The following GALNT9 variants were observed in gnomAD, a reference collection of about 807,000 sequenced individuals.
The protein encoded by GALNT9 is GalNAc transferase 9.
GALNT9 carries 47 observed loss-of-function variants against 63.1 expected under a neutral mutation model. That is an observed-to-expected ratio of 0.75 (90% CI 0.59 to 0.95). The LOEUF is 0.95. Ranked by LOEUF, GALNT9 falls within the 40% of genes least tolerant of loss-of-function variation. The pLI is 0.00. For missense variants in GALNT9, 829 were observed against 874.8 expected (o/e 0.95, Z 0.66); for synonymous variants, 396 against 365.7 (o/e 1.08, Z -0.94).
intron 1 of GALNT9, among the ~76,000 whole-genome samples, chr12:132,295,242 A>G (rs1260807482): frequency 6.6e-6 from 1 of 152,234 alleles, no homozygotes; most frequent in Non-Finnish European, 1.5e-5. Context: ...GGCTTCCCCG[A>G]CAGCCCCATG....
rs1348892031 is a variant in GALNT9 at position 132,245,873 on chromosome 12, G to A, written c.1077+2037C>T. On this transcript the variant is annotated intron_variant, in intron 6 of 10. Coordinates refer to ENST00000328957, the MANE Select transcript of GALNT9 (RefSeq NM_001122636.2). This position sits in a 1 kb window ranked among gnomAD's most constrained non-coding sequence, Gnocchi z 6.3. The stretch of plus-strand genomic sequence containing the variant: ...GGCGACTTGTCTTTCACTGACGGTG[G>A]CTCTGTCCCCAGGACCACATCTGCT... Among the ~76,000 whole-genome samples, 1 of 152,184 alleles carries A rather than the reference G, an allele frequency of 6.6e-6. No individual in the cohort carries two copies. The highest frequency in any genetic ancestry group is 1.5e-5 in the Non-Finnish European group (1 of 68,030).
intron 1 of GALNT9, among the ~76,000 whole-genome samples, chr12:132,301,394 T>G (rs1881290772): frequency 6.6e-6 from 1 of 152,230 alleles, no homozygotes; most frequent in African/African-American, 2.4e-5. Flanking sequence ...GAAGTGCTGC[T>G]GTGGTGGGCA....
At chr12:132,224,975 CATACACCCCAT>C (rs1877593065) in intron 6 of GALNT9, among the ~76,000 whole-genome samples, 1 of 148,378 alleles carries the variant, frequency 6.7e-6, no homozygotes, top group Non-Finnish European at 1.5e-5. Flanking sequence ...ACCCCACACA[CATACACCCCAT>C]ATACACACCC....
intron 6 of GALNT9, among the ~76,000 whole-genome samples, chr12:132,215,250 G>T (rs1206240817): frequency 6.6e-6 from 1 of 152,262 alleles, no homozygotes; most frequent in Non-Finnish European, 1.5e-5. Flanking sequence ...CACAGCCCAG[G>T]CTCTCAGGGA....
chr12:132,197,049 C>G lies in GALNT9; in HGVS notation c.*58G>C. The G allele has an allele frequency of 6.3e-7, 1 of 1,596,634 alleles. No homozygotes were observed. The highest frequency in any genetic ancestry group is 8.6e-7 in the Non-Finnish European group (1 of 1,169,176). On this transcript the variant is annotated 3_prime_UTR_variant, in exon 11 of 11. Coordinates refer to ENST00000328957, the MANE Select transcript of GALNT9 (RefSeq NM_001122636.2). ...GCCGGGCACACCCCGGTCACTCAGC[C>G]ACACTGGCTCGGCCCAGCGCCTTCC... is the stretch of plus-strand genomic sequence containing the variant.
At chr12:132,210,953 C>G (rs4073178) in intron 6 of GALNT9, among the ~76,000 whole-genome samples, 19,241 of 151,952 alleles carry the variant, frequency 0.13, 1,437 homozygotes, top group East Asian at 0.22. Context: ...CTTTCTGAAT[C>G]CTGGCAAAAC....
At chr12:132,324,105 C>T (rs531681873) in intron 1 of GALNT9, among the ~76,000 whole-genome samples, 2 of 152,332 alleles carry the variant, frequency 1.3e-5, no homozygotes, top group South Asian at 4.1e-4. Context: ...TGCTGGAAAC[C>T]GCACTTCCTA....
chr12:132,278,031 GT>G (rs1758813946), intron 2 of GALNT9: 1 of 141,820 alleles, frequency 7.1e-6, no homozygotes, highest in South Asian at 2.3e-4. Flanking sequence ...ACCCTCTCTG[GT>G]TTTTCTAAAC....
intron 6 of GALNT9, among the ~76,000 whole-genome samples, chr12:132,229,883 G>A (rs1877828582): frequency 6.6e-6 from 1 of 152,210 alleles, no homozygotes; most frequent in Non-Finnish European, 1.5e-5. Context: ...CAAGGTCACC[G>A]TCCGTCGGTG....
Position 132,215,457 on chromosome 12 carries a change from C to T in GALNT9, c.1078-11767G>A, listed in dbSNP as rs1424372659. 8.5e-5 allele frequency among the ~76,000 whole-genome samples: 13 copies of T among 152,208 alleles called. 1 individual carries two copies. Among genetic ancestry groups the T allele is most frequent in the Admixed American group, 6.5e-4 (10 of 15,288 alleles). ...GGTGAGGCTGTTTGTGTGCTGGCCT[C>T]GACGGAGAGCACAAGCAGCTCCTCC... is the stretch of plus-strand genomic sequence containing the variant. On this transcript the variant is annotated intron_variant, in intron 6 of 10. Coordinates refer to ENST00000328957, the MANE Select transcript of GALNT9 (RefSeq NM_001122636.2).
rs1243588635 is a variant in GALNT9, at chr12:132,316,412, C to G, written c.238+12554G>C. Among the ~76,000 whole-genome samples the G allele has an allele frequency of 6.6e-6, 1 of 152,116 alleles. No individual in the cohort carries two copies. The highest frequency in any genetic ancestry group is 1.5e-5 in the Non-Finnish European group (1 of 68,016). ...ACTTCCTTTAAAAATCTATTTAGTG[C>G]TATAGCTTCACTAAAAAAGGAAAAA... On this transcript the variant is annotated intron_variant, in intron 1 of 10. Coordinates refer to ENST00000328957, the MANE Select transcript of GALNT9 (RefSeq NM_001122636.2). The surrounding 1 kb of genome is among the most constrained non-coding windows in gnomAD (Gnocchi z 4.3).
intron 2 of GALNT9, chr12:132,273,653 G>A (rs373101702): frequency 6.6e-6 from 1 of 152,502 alleles, no homozygotes; most frequent in Non-Finnish European, 1.5e-5. Flanking sequence ...GGAACCCGAG[G>A]GTTCTTTGCA....
intron 2 of GALNT9, among the ~76,000 whole-genome samples, chr12:132,270,707 C>T (rs959024875): frequency 9.2e-5 from 14 of 152,136 alleles, no homozygotes; most frequent in South Asian, 2.1e-4. Context: ...GCCACAGCCA[C>T]GGACACGGCC....
In GALNT9 at chr12:132,316,518, C is replaced by T. The variant is rs546694461; in HGVS notation, c.238+12448G>A. The stretch of plus-strand genomic sequence containing the variant: ...TGGGAAACGGAGAATCAGGAGCACC[C>T]GAGCTTCCCACCCTAACCACCTGTG... On this transcript the variant is annotated intron_variant, in intron 1 of 10. Coordinates refer to ENST00000328957, the MANE Select transcript of GALNT9 (RefSeq NM_001122636.2). This position sits in a 1 kb window ranked among gnomAD's most constrained non-coding sequence, Gnocchi z 4.3. Among the ~76,000 whole-genome samples, 23 of 152,218 alleles carry T rather than the reference C, an allele frequency of 1.5e-4. No homozygotes were observed. The highest frequency in any genetic ancestry group is 5.1e-4 in the African/African-American group (21 of 41,496).
In GALNT9 at chr12:132,329,580, G is replaced by T. The variant is rs1291962545; in HGVS notation, c.-377C>A. Among the ~76,000 whole-genome samples the T allele has an allele frequency of 6.8e-6, 1 of 147,198 alleles. No individual in the cohort carries two copies. Among genetic ancestry groups the T allele is most frequent in the Non-Finnish European group, 1.5e-5 (1 of 66,020 alleles). Reference sequence around the variant, plus strand: ...CCCGCCCCGCAGCCACCGCGCCGGTGCAGAGTGACGCGGCCTCACCTCACC... The same window carrying T: ...CCCGCCCCGCAGCCACCGCGCCGGTTCAGAGTGACGCGGCCTCACCTCACC... On this transcript the variant is annotated 5_prime_UTR_variant, in exon 1 of 11. Transcript: ENST00000328957.
chr12:132,309,358 G>A (rs1480384231), intron 1 of GALNT9, among the ~76,000 whole-genome samples: 2 of 152,220 alleles, frequency 1.3e-5, no homozygotes, highest in Admixed American at 6.5e-5. Flanking sequence ...TGGAGGTCGA[G>A]GGGTCGTGCC....
chr12:132,303,151 G>T (rs1276475905), intron 1 of GALNT9, among the ~76,000 whole-genome samples: 1 of 152,044 alleles, frequency 6.6e-6, no homozygotes, highest in African/African-American at 2.4e-5. Context: ...TGTCACCCCT[G>T]TGGCCTTCAC....
At chr12:132,215,952 G>A (rs543709920) in intron 6 of GALNT9, among the ~76,000 whole-genome samples, 7 of 152,288 alleles carry the variant, frequency 4.6e-5, no homozygotes, top group South Asian at 4.1e-4. Flanking sequence ...CCCTGTCCAG[G>A]ACTCAGCCAA....
chr12:132,265,351 C>T lies in GALNT9; in HGVS notation c.420-2726G>A, dbSNP rs533938937. Among the ~76,000 whole-genome samples, 387 of 152,270 alleles carry T rather than the reference C, an allele frequency of 2.5e-3. 3 individuals carry two copies. The highest frequency in any genetic ancestry group is 0.02 in the South Asian group (96 of 4,822). On this transcript the variant is annotated intron_variant, in intron 2 of 10. Transcript: ENST00000328957. This position sits in a 1 kb window ranked among gnomAD's most constrained non-coding sequence, Gnocchi z 5.3. ...TGGGCTGAACGGTGTCCTCCTCCCG[C>T]GACCCAAGACACAGTGTCAGCAGGA...
Sources: gnomAD v4.1 joint callset for allele counts (sites outside exome capture counted in the v4.1 genomes callset) on GRCh38, gnomAD v4.1.1 for gene constraint, Gnocchi (gnomAD v3.1) non-coding constraint, MANE v1.5 for transcripts, NCBI Gene and HGNC (gene_info 2026-07-23, HGNC 2026-07-21) for gene names.